The following GRM8 variants were observed in gnomAD, a reference collection of about 807,000 sequenced individuals.
The protein encoded by GRM8 is glutamate metabotropic receptor 8.
GRM8 carries 47 observed loss-of-function variants against 87.2 expected under a neutral mutation model. The ratio of observed to expected loss-of-function variants is 0.54; its 90% CI spans 0.43 to 0.69. The LOEUF (loss-of-function observed/expected upper bound fraction) is 0.69, where lower values mean the gene tolerates loss of function less well. GRM8 is among the 30% of genes least tolerant of loss of function. GRM8 has a pLI of 0.00. For synonymous variants in GRM8, 396 were observed against 404.5 expected, an observed-to-expected ratio of 0.98 and a Z score of 0.25; for missense variants, 1,019 against 1,139.2, an observed-to-expected ratio of 0.89 and a Z score of 1.52.
intron 6 of GRM8, among the ~76,000 whole-genome samples, chr7:126,858,841 T>G (rs987415890): frequency 6.6e-6 from 1 of 152,246 alleles, no homozygotes. Context: ...TTGAGGTCTT[T>G]AAATTTGTTG....
chr7:126,777,971 T>C (rs1325069725), intron 6 of GRM8, among the ~76,000 whole-genome samples: 1 of 152,178 alleles, frequency 6.6e-6, no homozygotes, highest in Non-Finnish European at 1.5e-5. Context: ...AGGTGGTGTG[T>C]CTGAGTCTAT....
At chr7:126,694,694 T>C (rs1809190386) in intron 7 of GRM8, among the ~76,000 whole-genome samples, 1 of 152,210 alleles carries the variant, frequency 6.6e-6, no homozygotes, top group South Asian at 2.1e-4. Flanking sequence ...TCTACATTTC[T>C]CCTCTGGGTT....
chr7:126,765,321 G>T (rs1290076753), intron 7 of GRM8, among the ~76,000 whole-genome samples: 1 of 151,884 alleles, frequency 6.6e-6, no homozygotes, highest in African/African-American at 2.4e-5. Context: ...CTTTAGACTC[G>T]TTTCTATTCC....
At position 126,685,777 on chromosome 7, in the gene GRM8, G is replaced by A. The variant is rs540655577; in HGVS notation, c.1358-76279C>T. Among the ~76,000 whole-genome samples, 51 of 151,984 alleles carry A rather than the reference G, an allele frequency of 3.4e-4. No homozygotes were observed. Among genetic ancestry groups the A allele is most frequent in the African/African-American group, 1.2e-3 (49 of 41,408 alleles). On this transcript the variant is annotated intron_variant, in intron 7 of 10. Coordinates refer to ENST00000339582, the MANE Select transcript of GRM8 (RefSeq NM_000845.3). This position sits in a 1 kb window ranked among gnomAD's most constrained non-coding sequence, Gnocchi z 4.2. ...CCCTTGGCATGAACGGTCTGGGTGC[G>A]ATGAATGGTGACAGGCGGCAGACAG...
At chr7:126,933,704 A>G (rs1323686538) in intron 3 of GRM8, among the ~76,000 whole-genome samples, 1 of 152,234 alleles carries the variant, frequency 6.6e-6, no homozygotes, top group East Asian at 1.9e-4. Flanking sequence ...TTCATACCTC[A>G]TAATGTTATT....
At chr7:126,672,898 C>G (rs1010260264) in intron 7 of GRM8, among the ~76,000 whole-genome samples, 1 of 152,154 alleles carries the variant, frequency 6.6e-6, no homozygotes, top group Non-Finnish European at 1.5e-5. Flanking sequence ...GGTGATCTGC[C>G]TGCTGTTTCC....
intron 7 of GRM8, among the ~76,000 whole-genome samples, chr7:126,646,262 AGAAGGAAG>A (rs201279417): frequency 0.04 from 5,487 of 137,900 alleles, 349 homozygotes; most frequent in African/African-American, 0.14. Flanking sequence ...AAGGAGGGAA[AGAAGGAAG>A]GAAGGAAGGA....
intron 3 of GRM8, among the ~76,000 whole-genome samples, chr7:127,078,859 C>T (rs1172746104): frequency 6.6e-6 from 1 of 152,156 alleles, no homozygotes; most frequent in East Asian, 1.9e-4. Context: ...GCTTTGTAAG[C>T]ACTTCATTAA....
intron 7 of GRM8, among the ~76,000 whole-genome samples, chr7:126,742,473 A>G (rs1379258456): frequency 2.0e-5 from 3 of 151,832 alleles, no homozygotes; most frequent in Non-Finnish European, 4.4e-5. Context: ...CATTTCAAGG[A>G]TTAACCTCAC....
chr7:126,600,378 T>C (rs892627092), intron 8 of GRM8, among the ~76,000 whole-genome samples: 2 of 152,126 alleles, frequency 1.3e-5, no homozygotes, highest in Admixed American at 6.6e-5. Context: ...ATTTTTCATA[T>C]GCATGGCTTC....
chr7:127,032,534 T>C (rs559593700), intron 3 of GRM8, among the ~76,000 whole-genome samples: 1 of 152,278 alleles, frequency 6.6e-6, no homozygotes, highest in South Asian at 2.1e-4. Context: ...CTGCTCCTTA[T>C]AGAAAATTGA....
At chr7:126,993,578 G>A (rs1812884730) in intron 3 of GRM8, among the ~76,000 whole-genome samples, 2 of 152,186 alleles carry the variant, frequency 1.3e-5, no homozygotes, top group South Asian at 4.1e-4. Context: ...GGAACTAAAT[G>A]GGTAGGAAAG....
chr7:127,117,587 T>G (rs1351147376), intron 2 of GRM8, among the ~76,000 whole-genome samples: 1 of 152,220 alleles, frequency 6.6e-6, no homozygotes, highest in Non-Finnish European at 1.5e-5. Context: ...TATAAAGTGA[T>G]TTTCTTACAT....
At chr7:126,643,394 T>A (rs1463737421) in intron 7 of GRM8, among the ~76,000 whole-genome samples, 2 of 117,262 alleles carry the variant, frequency 1.7e-5, no homozygotes, top group East Asian at 5.0e-4. Flanking sequence ...AAAAAAAAAA[T>A]GTGTATTATC....
At chr7:126,603,528 T>C (rs1007074980) in intron 8 of GRM8, among the ~76,000 whole-genome samples, 1 of 151,780 alleles carries the variant, frequency 6.6e-6, no homozygotes, top group Admixed American at 6.6e-5. Flanking sequence ...GATAAGCAAC[T>C]TCAGCAAAGT....
chr7:126,973,803 CAT>C (rs1243046596), intron 3 of GRM8, among the ~76,000 whole-genome samples: 1 of 152,000 alleles, frequency 6.6e-6, no homozygotes, highest in Admixed American at 6.6e-5. Flanking sequence ...ATAAATGAAA[CAT>C]AGAAAAATAC....
intron 6 of GRM8, among the ~76,000 whole-genome samples, chr7:126,828,612 A>G (rs1481527655): frequency 6.6e-6 from 1 of 151,816 alleles, no homozygotes; most frequent in African/African-American, 2.4e-5. Context: ...TTTCTTTATT[A>G]GTCTTGCTAG....
chr7:127,093,390 C>G (rs1335949468), intron 3 of GRM8, among the ~76,000 whole-genome samples: 1 of 152,102 alleles, frequency 6.6e-6, no homozygotes, highest in Non-Finnish European at 1.5e-5. Flanking sequence ...CCATCTATCG[C>G]AGAGTTTCCT....
chr7:127,216,742 T>G (rs1428226101), intron 2 of GRM8, among the ~76,000 whole-genome samples: 1 of 152,140 alleles, frequency 6.6e-6, no homozygotes, highest in Non-Finnish European at 1.5e-5. Context: ...TTCACTCCAT[T>G]CTATCCATAC....
Sources: gnomAD v4.1 joint callset for allele counts (sites outside exome capture counted in the v4.1 genomes callset) on GRCh38, gnomAD v4.1.1 for gene constraint, Gnocchi (gnomAD v3.1) non-coding constraint, MANE v1.5 for transcripts, NCBI Gene and HGNC (gene_info 2026-07-23, HGNC 2026-07-21) for gene names.